The following ZEB2 variants were observed in gnomAD, a reference collection of about 807,000 sequenced individuals.
The protein encoded by ZEB2 is zinc finger E-box-binding homeobox 2.
ZEB2 carries 6 observed loss-of-function variants against 99.9 expected under a neutral mutation model. The observed-to-expected ratio is 0.06, with a 90% CI of 0.03 to 0.12. ZEB2 has a LOEUF of 0.12. Ranked by LOEUF, ZEB2 falls within the 10% of genes least tolerant of loss-of-function variation. The pLI, the probability that ZEB2 is intolerant of heterozygous loss-of-function variation, is 1.00. For synonymous variants in ZEB2, 517 were observed against 542.5 expected (o/e 0.95, Z 0.65); for missense variants, 969 against 1,502.8 (o/e 0.64, Z 5.87).
At chr2:144,482,293 A>G (rs1337789517) in intron 2 of ZEB2, 1 of 152,050 alleles carries the variant, frequency 6.6e-6, no homozygotes, top group Non-Finnish European at 1.5e-5. Context: ...ATCTTCCCTG[A>G]CGCATTTCAT....
intron 2 of ZEB2, among the ~76,000 whole-genome samples, chr2:144,498,774 C>T (rs1441559848): frequency 6.6e-6 from 1 of 152,012 alleles, no homozygotes. Flanking sequence ...AGGGAAGGCC[C>T]GAAACTAGGC....
At chr2:144,441,295 G>A (rs932334366) in intron 2 of ZEB2, among the ~76,000 whole-genome samples, 8 of 151,672 alleles carry the variant, frequency 5.3e-5, no homozygotes, top group Non-Finnish European at 1.2e-4. Context: ...TTCAGGTAGT[G>A]GAATTTGCTG....
chr2:144,497,971 TA>T lies in ZEB2; in HGVS notation c.73+19306del, dbSNP rs1302545130. On this transcript the variant is annotated intron_variant, in intron 2 of 9. Coordinates refer to ENST00000627532, the MANE Select transcript of ZEB2 (RefSeq NM_014795.4). ...TATTATATAATATATATTAATATTA[TA>T]TATTATATAATATATTAATATTATA... 5.6e-3 allele frequency among the ~76,000 whole-genome samples: 11 copies of T among 1,948 alleles called. 3 individuals are homozygous for T. Among genetic ancestry groups the T allele is most frequent in the African/African-American group, 0.017 (11 of 650 alleles). The allele number at this position is 1,948 out of a possible 152,430, so 1.3% of individuals were successfully genotyped here. A position where few individuals can be genotyped will look rare whatever the true frequency, so the allele number is the denominator to read the frequency against.
intron 2 of ZEB2, among the ~76,000 whole-genome samples, chr2:144,478,831 TTATC>T (rs1371319065): frequency 6.6e-6 from 1 of 152,240 alleles, no homozygotes; most frequent in Non-Finnish European, 1.5e-5. Context: ...TGAATATACA[TTATC>T]TACTATGTCA....
At chr2:144,483,150 A>ACACACACACG (rs1553968393) in intron 2 of ZEB2, among the ~76,000 whole-genome samples, 1 of 149,546 alleles carries the variant, frequency 6.7e-6, no homozygotes, top group South Asian at 2.1e-4. Context: ...ACACACACAC[A>ACACACACACG]CACACACACA....
intron 2 of ZEB2, among the ~76,000 whole-genome samples, chr2:144,486,380 T>G (rs1704597770): frequency 6.6e-6 from 1 of 152,024 alleles, no homozygotes; most frequent in Non-Finnish European, 1.5e-5. Flanking sequence ...GTTTTTTTTT[T>G]TTTTAAAGAA....
chr2:144,411,123 TAC>T lies in ZEB2; in HGVS notation c.404-6101_404-6100del, dbSNP rs3073686. On this transcript the variant is annotated intron_variant, in intron 4 of 9. Coordinates refer to ENST00000627532, the MANE Select transcript of ZEB2 (RefSeq NM_014795.4). ...TATGTATAATAGGGCATCTCATATA[TAC>T]ACACACACACACACACACACACACG... 8.3e-3 allele frequency among the ~76,000 whole-genome samples: 971 copies of T among 117,554 alleles called. 15 individuals are homozygous for T. Among genetic ancestry groups the T allele is most frequent in the African/African-American group, 0.028 (863 of 30,914 alleles). 77.1% of individuals were successfully genotyped at this position (117,554 alleles called of 152,430 possible).
chr2:144,517,946 G>A, intron 1 of ZEB2: 4 of 383,610 alleles, frequency 1.0e-5, no homozygotes, highest in Non-Finnish European at 1.9e-5. Flanking sequence ...CTCGCCCAGC[G>A]CCCCCTCCCC....
At chr2:144,456,174 G>A (rs1168602484) in intron 2 of ZEB2, among the ~76,000 whole-genome samples, 1 of 151,996 alleles carries the variant, frequency 6.6e-6, no homozygotes, top group African/African-American at 2.4e-5. Context: ...AGGATACAGT[G>A]TGAGCAGTGA....
Position 144,389,327 on chromosome 2 carries a change from G to A in ZEB2, c.*124C>T, listed in dbSNP as rs1470574152. The A allele has an allele frequency of 6.0e-6, 7 of 1,174,784 alleles. No individual in the cohort carries two copies. Among genetic ancestry groups the A allele is most frequent in the Non-Finnish European group, 8.8e-6 (7 of 792,698 alleles). The allele number at this position is 1,174,784 out of a possible 1,614,324, so 72.8% of individuals were successfully genotyped here. ...CTGTCTTGGCTGAACCGCCCCTTCT[G>A]TCCCTCTCTACAGCTTCCTGGAAGC... On this transcript the variant is annotated 3_prime_UTR_variant, in exon 10 of 10. Coordinates refer to ENST00000627532, the MANE Select transcript of ZEB2 (RefSeq NM_014795.4). This position sits in a 1 kb window ranked among gnomAD's most constrained non-coding sequence, Gnocchi z 6.8.
At chr2:144,400,951 C>T (rs1353319727) in intron 7 of ZEB2, among the ~76,000 whole-genome samples, 1 of 152,170 alleles carries the variant, frequency 6.6e-6, no homozygotes. Flanking sequence ...AAAGGAGCCT[C>T]TAGATTTTGT....
At chr2:144,424,993 T>A in intron 3 of ZEB2, 126 bp from the exon 4 acceptor site, 1 of 937,776 alleles carries the variant, frequency 1.1e-6, no homozygotes, top group Admixed American at 2.0e-5. Flanking sequence ...TGTAGACCTC[T>A]AAACAATAGC....
chr2:144,401,889 T>C (rs1429579816), intron 6 of ZEB2, among the ~76,000 whole-genome samples: 2 of 152,244 alleles, frequency 1.3e-5, no homozygotes, highest in African/African-American at 4.8e-5. Context: ...ATGATGAGCA[T>C]GTTTAAATAT....
At chr2:144,513,837 A>AG in intron 2 of ZEB2, 2 of 1,534,780 alleles carry the variant, frequency 1.3e-6, no homozygotes, top group Admixed American at 2.0e-5. Context: ...GGAAAGAAAA[A>AG]GGGGGGCTGG....
chr2:144,513,678 G>C, intron 2 of ZEB2: 1 of 1,535,336 alleles, frequency 6.5e-7, no homozygotes, highest in South Asian at 1.2e-5. Flanking sequence ...GAGCATCCCA[G>C]GACCCGCTGC....
At chr2:144,502,150 G>A (rs576558860) in intron 2 of ZEB2, among the ~76,000 whole-genome samples, 5 of 152,224 alleles carry the variant, frequency 3.3e-5, no homozygotes, top group South Asian at 4.1e-4. Context: ...CAGTCTCACC[G>A]GTTATTAGCA....
At chr2:144,439,730 T>C (rs1703881738) in intron 2 of ZEB2, among the ~76,000 whole-genome samples, 1 of 152,266 alleles carries the variant, frequency 6.6e-6, no homozygotes, top group Non-Finnish European at 1.5e-5. Flanking sequence ...TTTTTGTTCC[T>C]TTCTTGATTT....
At chr2:144,470,771 GAA>G (rs1704344147) in intron 2 of ZEB2, among the ~76,000 whole-genome samples, 1 of 151,942 alleles carries the variant, frequency 6.6e-6, no homozygotes, top group Non-Finnish European at 1.5e-5. Context: ...CTTCTTTTGG[GAA>G]AAAAATATTC....
In ZEB2 at chr2:144,499,533, C is replaced by T. The variant is rs139564658; in HGVS notation, c.73+17745G>A. Reference sequence around the variant, plus strand: ...TTGAAAAACAGTTAATTTCTGTAAACGCTTTTTCTAGTGATAACTTTATTA... The same window carrying T: ...TTGAAAAACAGTTAATTTCTGTAAATGCTTTTTCTAGTGATAACTTTATTA... On this transcript the variant is annotated intron_variant, in intron 2 of 9. Transcript: ENST00000627532. 2.3e-3 allele frequency among the ~76,000 whole-genome samples: 350 copies of T among 152,212 alleles called. 1 individual carries two copies. Among genetic ancestry groups the T allele is most frequent in the Non-Finnish European group, 3.7e-3 (251 of 68,010 alleles).
Sources: allele counts gnomAD v4.1 joint callset (sites outside exome capture counted in the v4.1 genomes callset), GRCh38; gene constraint gnomAD v4.1.1; non-coding constraint Gnocchi (gnomAD v3.1); transcripts MANE v1.5; gene names NCBI Gene and HGNC (gene_info 2026-07-23, HGNC 2026-07-21).